Variants in PPP2R3A observed in about 807,000 individuals in gnomAD.
PPP2R3A encodes the protein protein phosphatase 2 regulatory subunit B''alpha.
In PPP2R3A, 80 loss-of-function variants were observed where a neutral mutation model predicts 106.9. The ratio of observed to expected loss-of-function variants is 0.75; its 90% confidence interval spans 0.62 to 0.90. The LOEUF (loss-of-function observed/expected upper bound fraction) is 0.90, where lower values mean the gene tolerates loss of function less well. Ranked by LOEUF, PPP2R3A falls within the 40% of genes least tolerant of loss-of-function variation. PPP2R3A has a pLI of 0.00. For missense variants in PPP2R3A, 1,386 were observed against 1,350.4 expected, an observed-to-expected ratio of 1.03 and a Z score of -0.41; for synonymous variants, 483 against 468.3, an observed-to-expected ratio of 1.03 and a Z score of -0.41.
intron 13 of PPP2R3A, among the ~76,000 whole-genome samples, chr3:136,117,239 TG>T (rs1269037796): frequency 6.6e-6 from 1 of 151,942 alleles, no homozygotes; most frequent in East Asian, 1.9e-4. Flanking sequence ...TTTAAAGCAG[TG>T]TATAGAGGGA....
intron 2 of PPP2R3A, among the ~76,000 whole-genome samples, chr3:136,010,062 T>C (rs112583246): frequency 1.4e-3 from 211 of 152,242 alleles, no homozygotes; most frequent in African/African-American, 4.6e-3. Context: ...CCCTGTCTTC[T>C]AACCTCCAGC....
chr3:136,142,416 G>T (rs1009645134), intron 13 of PPP2R3A, among the ~76,000 whole-genome samples: 2 of 152,092 alleles, frequency 1.3e-5, no homozygotes, highest in African/African-American at 4.8e-5. Flanking sequence ...AAATTAAGAG[G>T]AGTCTCCAGG....
chr3:136,141,300 T>A (rs1938863971), intron 13 of PPP2R3A, among the ~76,000 whole-genome samples: 1 of 152,154 alleles, frequency 6.6e-6, no homozygotes. Context: ...AATATGTGAC[T>A]GTGTGCAGTG....
intron 13 of PPP2R3A, among the ~76,000 whole-genome samples, chr3:136,135,851 G>C (rs1159377355): frequency 6.6e-6 from 1 of 151,738 alleles, no homozygotes; most frequent in Non-Finnish European, 1.5e-5. Context: ...TTCGAGACCT[G>C]CCTGGCCAAC....
At chr3:136,083,084 G>A (rs754806392) in intron 8 of PPP2R3A, among the ~76,000 whole-genome samples, 1 of 152,100 alleles carries the variant, frequency 6.6e-6, no homozygotes, top group Non-Finnish European at 1.5e-5. Flanking sequence ...GCATGAACAC[G>A]GCTCACTGTA....
At chr3:136,141,011 T>G (rs1938850289) in intron 13 of PPP2R3A, among the ~76,000 whole-genome samples, 1 of 152,248 alleles carries the variant, frequency 6.6e-6, no homozygotes, top group African/African-American at 2.4e-5. Flanking sequence ...CACAAGAGCA[T>G]TAGGACATCA....
At chr3:136,073,162 T>A (rs961105191) in intron 6 of PPP2R3A, among the ~76,000 whole-genome samples, 1 of 152,038 alleles carries the variant, frequency 6.6e-6, no homozygotes, top group East Asian at 1.9e-4. Flanking sequence ...AGAGACGGGG[T>A]TTCACCATGT....
At chr3:135,999,511 G>C (rs891369698) in intron 1 of PPP2R3A, among the ~76,000 whole-genome samples, 1 of 152,160 alleles carries the variant, frequency 6.6e-6, no homozygotes, top group African/African-American at 2.4e-5. Flanking sequence ...TGACACCCAT[G>C]GGTCTGAAAC....
chr3:136,114,650 G>A (rs1436928649), intron 13 of PPP2R3A, among the ~76,000 whole-genome samples: 2 of 152,234 alleles, frequency 1.3e-5, no homozygotes, highest in Admixed American at 6.5e-5. Flanking sequence ...TACCCTCACA[G>A]TGTAAACAAA....
At chr3:136,116,029 CA>C (rs1937739252) in intron 13 of PPP2R3A, among the ~76,000 whole-genome samples, 1 of 152,098 alleles carries the variant, frequency 6.6e-6, no homozygotes, top group South Asian at 2.1e-4. Flanking sequence ...GGAAGCCCAT[CA>C]AACCAACAGC....
At chr3:136,048,961 A>G (rs750186226) in intron 4 of PPP2R3A, among the ~76,000 whole-genome samples, 26 of 152,030 alleles carry the variant, frequency 1.7e-4, no homozygotes, top group Non-Finnish European at 2.9e-4. Context: ...GTCCTGAGGA[A>G]TGTTTCCTGA....
intron 13 of PPP2R3A, among the ~76,000 whole-genome samples, chr3:136,141,233 A>T (rs1052465785): frequency 6.6e-6 from 1 of 152,216 alleles, no homozygotes; most frequent in Admixed American, 6.5e-5. Context: ...TGAGTAGTTG[A>T]TAACACCTAA....
chr3:136,059,112 T>G (rs1223018431), intron 5 of PPP2R3A, among the ~76,000 whole-genome samples: 1 of 151,874 alleles, frequency 6.6e-6, no homozygotes, highest in African/African-American at 2.4e-5. Flanking sequence ...CCAAGAGCAA[T>G]TGTAACGGGC....
At chr3:136,135,614 T>C (rs1423921947) in intron 13 of PPP2R3A, among the ~76,000 whole-genome samples, 1 of 152,180 alleles carries the variant, frequency 6.6e-6, no homozygotes, top group African/African-American at 2.4e-5. Context: ...GGCAGGTTAC[T>C]TGACTCCTGA....
intron 1 of PPP2R3A, among the ~76,000 whole-genome samples, chr3:135,974,809 A>T (rs1937365981): frequency 6.6e-6 from 1 of 152,374 alleles, no homozygotes; most frequent in African/African-American, 2.4e-5. Context: ...GAGTTCCTCC[A>T]GTTGAAAAAG....
chr3:136,097,733 A>G (rs1184885898), intron 10 of PPP2R3A, among the ~76,000 whole-genome samples: 2 of 152,204 alleles, frequency 1.3e-5, no homozygotes, highest in African/African-American at 4.8e-5. Flanking sequence ...TCTTAAGATA[A>G]TTAATGAGGA....
chr3:135,994,137 T>C (rs193267061), intron 1 of PPP2R3A, among the ~76,000 whole-genome samples: 3 of 152,340 alleles, frequency 2.0e-5, no homozygotes, highest in Admixed American at 1.3e-4. Flanking sequence ...AGCTCTGTGT[T>C]TGTGGACAGC....
At chr3:136,008,975 C>T (rs887572925) in intron 2 of PPP2R3A, among the ~76,000 whole-genome samples, 1 of 152,080 alleles carries the variant, frequency 6.6e-6, no homozygotes, top group Admixed American at 6.6e-5. Context: ...CCCCCCATCC[C>T]CCACCCCACT....
intron 3 of PPP2R3A, among the ~76,000 whole-genome samples, chr3:136,030,823 T>TATAC (rs1934859395): frequency 2.1e-5 from 3 of 141,196 alleles, no homozygotes; most frequent in East Asian, 4.0e-4. Flanking sequence ...TGTATGTATG[T>TATAC]ATACACACAC....
Sources: gnomAD v4.1 joint callset for allele counts (sites outside exome capture counted in the v4.1 genomes callset) on GRCh38, gnomAD v4.1.1 for gene constraint, MANE v1.5 for transcripts, NCBI Gene and HGNC (gene_info 2026-07-23, HGNC 2026-07-21) for gene names.